Variants in CRYBA4 observed in about 807,000 individuals in gnomAD.
The protein encoded by CRYBA4 is beta-crystallin A4.
A neutral mutation model predicts 31.7 loss-of-function variants in CRYBA4; 30 were observed. The ratio of observed to expected loss-of-function variants is 0.95; its 90% CI spans 0.71 to 1.28. CRYBA4 has a LOEUF of 1.28. CRYBA4 is among the 50% of genes most tolerant of loss of function. The pLI is 0.00. For synonymous variants in CRYBA4, 102 were observed against 102.3 expected (o/e 1.00, Z 0.02); for missense variants, 225 against 260.7 (o/e 0.86, Z 0.94).
chr22:26,620,815 G>A (rs1001139293), upstream of CRYBA4, among the ~76,000 whole-genome samples: 4 of 151,948 alleles, frequency 2.6e-5, no homozygotes, highest in African/African-American at 4.8e-5. Flanking sequence ...CACCCACCTC[G>A]GCCTCCCAAA....
the CRYBA4 span, chr22:26,612,328 T>C: frequency 1.2e-5 from 8 of 655,996 alleles, no homozygotes; most frequent in Non-Finnish European, 2.2e-5. Context: ...AATGATCCTG[T>C]CCTCCCATCC....
chr22:26,618,030 G>A (rs1158688013), upstream of CRYBA4: 5 of 153,192 alleles, frequency 3.3e-5, no homozygotes, highest in African/African-American at 1.2e-4. Flanking sequence ...GGTGCTATGG[G>A]TGACTAGAGT....
intron 4 of CRYBA4, 88 bp from the exon 5 acceptor site, chr22:26,628,200 A>ACAAGGG: frequency 6.3e-7 from 1 of 1,590,792 alleles, no homozygotes; most frequent in South Asian, 1.1e-5. Flanking sequence ...GATTTGGGAG[A>ACAAGGG]CAAGGGCAGG....
chr22:26,627,899 C>T (rs1252057573), intron 4 of CRYBA4, among the ~76,000 whole-genome samples: 2 of 152,134 alleles, frequency 1.3e-5, no homozygotes, highest in South Asian at 2.1e-4. Flanking sequence ...CCACCCTCCT[C>T]GGCCTCCCAA....
the CRYBA4 span, among the ~76,000 whole-genome samples, chr22:26,604,613 G>A: frequency 6.6e-6 from 1 of 152,124 alleles, no homozygotes; most frequent in African/African-American, 2.4e-5. Flanking sequence ...AGGGAAGGAG[G>A]GTTGAGGGAA....
the CRYBA4 span, chr22:26,599,286 A>C: frequency 1.7e-6 from 1 of 591,882 alleles, no homozygotes; most frequent in Non-Finnish European, 3.0e-6. Flanking sequence ...AGAACTTTTC[A>C]GTGTTTGCTG....
At chr22:26,627,488 T>TTTTCTTTCTTTCTTTCTTTCTTTC (rs201917169) in intron 4 of CRYBA4, among the ~76,000 whole-genome samples, 1 of 81,606 alleles carries the variant, frequency 1.2e-5, no homozygotes, top group Non-Finnish European at 2.2e-5. Context: ...CTTTCTTTCC[T>TTTTCTTTCTTTCTTTCTTTCTTTC]TTTCTTTCTT....
rs997873937 is a variant in CRYBA4, at chr22:26,622,003, G to A, written c.-13+17G>A. The A allele has an allele frequency of 2.0e-6, 2 of 986,204 alleles. No individual in the cohort carries two copies. The highest frequency in any genetic ancestry group is 3.5e-5 in the African/African-American group (2 of 57,188). The allele number at this position is 986,204 out of a possible 1,614,324, so 61.1% of individuals were successfully genotyped here. ...CCTATCTCGGTAAGTCCCAGGTTTGGAGGAGGGGTGGGATCAGAGTTCTGA... is the reference window on the plus strand; with the variant it reads ...CCTATCTCGGTAAGTCCCAGGTTTGAAGGAGGGGTGGGATCAGAGTTCTGA... On this transcript the variant is annotated intron_variant, in intron 1 of 5. Coordinates refer to ENST00000354760, the MANE Select transcript of CRYBA4 (RefSeq NM_001886.3).
rs377549717 is a variant in CRYBA4 at position 26,630,533 on chromosome 22, G to C, written c.*46G>C. Reference sequence around the variant, plus strand: ...AGCGCATGCGTGCTTATCTGCAATGGAGGCGCTCTGGAGGCTGTGGTGTGT... The same window carrying C: ...AGCGCATGCGTGCTTATCTGCAATGCAGGCGCTCTGGAGGCTGTGGTGTGT... On this transcript the variant is annotated 3_prime_UTR_variant, in exon 6 of 6. Coordinates refer to ENST00000354760, the MANE Select transcript of CRYBA4 (RefSeq NM_001886.3). The C allele has an allele frequency of 4.2e-5, 65 of 1,557,854 alleles. No homozygotes were observed. Among genetic ancestry groups the C allele is most frequent in the Non-Finnish European group, 5.4e-5 (62 of 1,141,954 alleles).
intron 5 of CRYBA4, 77 bp downstream of exon 5, chr22:26,628,507 T>C (rs1353190218): frequency 9.6e-6 from 15 of 1,558,872 alleles, no homozygotes; most frequent in Non-Finnish European, 1.2e-5. Context: ...GAAAACTGTG[T>C]GCTGGGGACT....
the CRYBA4 span, among the ~76,000 whole-genome samples, chr22:26,599,011 C>T: frequency 6.6e-6 from 1 of 152,168 alleles, no homozygotes; most frequent in Non-Finnish European, 1.5e-5. Flanking sequence ...TCATACCAAC[C>T]TCCTGGAGCA....
chr22:26,620,556 CTTTTTTTTTTTTT>C (rs60318967), upstream of CRYBA4, among the ~76,000 whole-genome samples: 1 of 88,494 alleles, frequency 1.1e-5, no homozygotes, highest in African/African-American at 4.4e-5. Flanking sequence ...TCATGCATTC[CTTTTTTTTTTTTT>C]TTTTTTTTTT....
upstream of CRYBA4, among the ~76,000 whole-genome samples, chr22:26,617,393 G>C (rs1348370461): frequency 6.6e-6 from 1 of 152,182 alleles, no homozygotes; most frequent in Non-Finnish European, 1.5e-5. Context: ...AACACATTCT[G>C]TAAGGCGGAG....
intron 4 of CRYBA4, among the ~76,000 whole-genome samples, chr22:26,626,264 T>C (rs1262649710): frequency 2.0e-5 from 3 of 151,880 alleles, no homozygotes; most frequent in Non-Finnish European, 2.9e-5. Context: ...ATTAGTTGAG[T>C]GTGGTGGCAC....
At chr22:26,619,307 C>G (rs1240466348), upstream of CRYBA4, among the ~76,000 whole-genome samples, 1 of 152,096 alleles carries the variant, frequency 6.6e-6, no homozygotes, top group Non-Finnish European at 1.5e-5. Flanking sequence ...TTGGGGTGAT[C>G]AAGCCTCAGG....
chr22:26,612,701 T>C, the CRYBA4 span, among the ~76,000 whole-genome samples: 3 of 152,238 alleles, frequency 2.0e-5, no homozygotes, highest in African/African-American at 4.8e-5. Flanking sequence ...TAGGAACTTA[T>C]GAACCTCCCT....
Position 26,628,380 on chromosome 22 carries a change from C to A in CRYBA4, c.393C>A (p.Ala131=). 1 of 1,614,016 alleles carries A rather than the reference C, an allele frequency of 6.2e-7. No individual in the cohort carries two copies. Residue 131 remains alanine, a synonymous_variant, in exon 5 of 6, where the codon GCC becomes GCA. Transcript: ENST00000354760. ...GCGATGACTATCCTTCCCTCCAGGC[C>A]ATGGGATGGGAAGGCAATGAAGTAG... is the stretch of plus-strand genomic sequence containing the variant. ...ELSDDYPSLQ[A]MGWEGNEVGS...
chr22:26,610,949 G>C, the CRYBA4 span, among the ~76,000 whole-genome samples: 1 of 152,172 alleles, frequency 6.6e-6, no homozygotes, highest in African/African-American at 2.4e-5. Context: ...TTTCAAAGTG[G>C]GGGAGACAAG....
At chr22:26,610,842 A>G in the CRYBA4 span, among the ~76,000 whole-genome samples, 4 of 152,194 alleles carry the variant, frequency 2.6e-5, no homozygotes, top group Non-Finnish European at 4.4e-5. Flanking sequence ...TGAACAAGGC[A>G]AACAGGGGAA....
Sources: gnomAD v4.1 joint callset for allele counts (sites outside exome capture counted in the v4.1 genomes callset) on GRCh38, gnomAD v4.1.1 for gene constraint, MANE v1.5 for transcripts, NCBI Gene and HGNC (gene_info 2026-07-23, HGNC 2026-07-21) for gene names.